MAP6: variants seen among roughly 807,000 people sequenced by gnomAD.
The protein encoded by MAP6 is microtubule-associated protein 6.
A neutral mutation model predicts 42.4 loss-of-function variants in MAP6; 26 were observed. The observed-to-expected ratio is 0.61, with a 90% confidence interval of 0.45 to 0.85. The LOEUF (loss-of-function observed/expected upper bound fraction) is 0.85. Ranked by LOEUF, MAP6 falls within the 40% of genes least tolerant of loss-of-function variation. MAP6 has a pLI of 0.00. For missense variants in MAP6, 966 were observed against 1,099.0 expected, an observed-to-expected ratio of 0.88 and a Z score of 1.71; for synonymous variants, 418 against 443.8, an observed-to-expected ratio of 0.94 and a Z score of 0.73.
chr11:75,593,640 G>A (rs1341727332), intron 3 of MAP6, among the ~76,000 whole-genome samples: 1 of 152,180 alleles, frequency 6.6e-6, no homozygotes, highest in Non-Finnish European at 1.5e-5. Flanking sequence ...CCTGGCATAG[G>A]GCATAATTCA....
chr11:75,611,482 T>C (rs1056332528), intron 1 of MAP6, among the ~76,000 whole-genome samples: 2 of 152,250 alleles, frequency 1.3e-5, no homozygotes, highest in African/African-American at 4.8e-5. Flanking sequence ...TGAACAACTC[T>C]GGTACATCAT....
chr11:75,648,043 T>C (rs1444600795), intron 1 of MAP6, among the ~76,000 whole-genome samples: 1 of 152,058 alleles, frequency 6.6e-6, no homozygotes, highest in Non-Finnish European at 1.5e-5. Context: ...ACTTTTTTAA[T>C]CAAGGAAAAA....
chr11:75,658,398 C>A (rs609397), intron 1 of MAP6, among the ~76,000 whole-genome samples: 126 of 53,240 alleles, frequency 2.4e-3, no homozygotes, highest in Non-Finnish European at 2.7e-3. Flanking sequence ...ATTTCTCCAC[C>A]CCCCCCGCCC....
rs940780106 is a variant in MAP6, at chr11:75,593,566, GT to G, written c.1317-5383del. Among the ~76,000 whole-genome samples, 77 of 152,172 alleles carry G rather than the reference GT, an allele frequency of 5.1e-4. 1 individual carries two copies. The highest frequency in any genetic ancestry group is 4.0e-4 in the Non-Finnish European group (27 of 68,034). On this transcript the variant is annotated intron_variant, in intron 3 of 3. Coordinates refer to ENST00000304771, the MANE Select transcript of MAP6 (RefSeq NM_033063.2). ...TCCAGTCCTATAGTCCATCCACGTG[GT>G]TTTTTTCTTCCCAGATTGTCTCCTG... is the stretch of plus-strand genomic sequence containing the variant.
At chr11:75,659,505 A>G (rs1943807535) in intron 1 of MAP6, among the ~76,000 whole-genome samples, 1 of 152,222 alleles carries the variant, frequency 6.6e-6, no homozygotes, top group South Asian at 2.1e-4. Context: ...AAGTAACAGC[A>G]TGGTTCCTGA....
At chr11:75,642,994 T>C (rs1943498852) in intron 1 of MAP6, 12 of 368,652 alleles carry the variant, frequency 3.3e-5, no homozygotes, top group South Asian at 2.9e-4. Flanking sequence ...ACTTCCTTGC[T>C]AAATCAAATA....
At chr11:75,644,469 T>A (rs922362739) in intron 1 of MAP6, among the ~76,000 whole-genome samples, 4 of 152,226 alleles carry the variant, frequency 2.6e-5, no homozygotes, top group Non-Finnish European at 5.9e-5. Flanking sequence ...AAGCAGTTTA[T>A]ATAGTAATTC....
At chr11:75,625,891 C>T (rs1943185522) in intron 1 of MAP6, among the ~76,000 whole-genome samples, 1 of 152,186 alleles carries the variant, frequency 6.6e-6, no homozygotes. Context: ...ACTCCCCAGC[C>T]AGACCACGGG....
intron 1 of MAP6, among the ~76,000 whole-genome samples, chr11:75,637,898 G>GGAA (rs2135648779): frequency 6.7e-6 from 1 of 149,118 alleles, no homozygotes; most frequent in Non-Finnish European, 1.5e-5. Context: ...GAGGGAGGGA[G>GGAA]GGAGGGAAGG....
intron 1 of MAP6, among the ~76,000 whole-genome samples, chr11:75,611,499 A>G (rs941352325): frequency 6.6e-6 from 1 of 152,256 alleles, no homozygotes; most frequent in African/African-American, 2.4e-5. Context: ...TCATCTTCAC[A>G]TGAGACCTTG....
intron 2 of MAP6, among the ~76,000 whole-genome samples, chr11:75,607,026 G>A (rs1942791080): frequency 6.6e-6 from 1 of 152,216 alleles, no homozygotes; most frequent in Admixed American, 6.5e-5. Flanking sequence ...GATGGACAGA[G>A]CTGATGCTGG....
chr11:75,651,254 C>T (rs1943641332), intron 1 of MAP6, among the ~76,000 whole-genome samples: 1 of 152,198 alleles, frequency 6.6e-6, no homozygotes, highest in South Asian at 2.1e-4. Context: ...GAATCTCATT[C>T]TCACAAATGC....
Position 75,641,743 on chromosome 11 carries a change from G to T in MAP6, c.905+25722C>A, listed in dbSNP as rs538889266. ...CATTTCTGTTAAGCTTCCAGGTGAAGCTAATGCTGTAACCCTGGGAGGTAT... is the reference window on the plus strand; with the variant it reads ...CATTTCTGTTAAGCTTCCAGGTGAATCTAATGCTGTAACCCTGGGAGGTAT... On this transcript the variant is annotated intron_variant, in intron 1 of 3. Transcript: ENST00000304771. 7.2e-5 allele frequency among the ~76,000 whole-genome samples: 11 copies of T among 152,358 alleles called. No individual in the cohort carries two copies. In the South Asian group the frequency reaches 1.9e-3, roughly 26 times the overall value.
chr11:75,639,663 T>G (rs559348554), intron 1 of MAP6, among the ~76,000 whole-genome samples: 1 of 152,312 alleles, frequency 6.6e-6, no homozygotes, highest in African/African-American at 2.4e-5. Flanking sequence ...GAATTGGAAG[T>G]GCATGATTTC....
intron 1 of MAP6, among the ~76,000 whole-genome samples, chr11:75,609,509 C>T (rs765150691): frequency 3.9e-5 from 6 of 152,230 alleles, no homozygotes; most frequent in Non-Finnish European, 7.3e-5. Flanking sequence ...GACGGAGACA[C>T]GCAGGCTCTC....
chr11:75,588,288 G>T, intron 3 of MAP6, 104 bp from the exon 4 acceptor site: 1 of 1,050,660 alleles, frequency 9.5e-7, no homozygotes, highest in Non-Finnish European at 1.4e-6. Context: ...GCCTGGGCCG[G>T]GCAGCTCTTG....
chr11:75,645,380 T>G (rs1312779719), intron 1 of MAP6, among the ~76,000 whole-genome samples: 1 of 152,038 alleles, frequency 6.6e-6, no homozygotes, highest in Non-Finnish European at 1.5e-5. Flanking sequence ...CCTGCCACTA[T>G]CCATCAAAAC....
rs530307020 is a variant in MAP6 at position 75,632,126 on chromosome 11, C to T, written c.906-23804G>A. ...GTGACATTAGAGGCAAGTTACTTTA[C>T]CTCACCGAGCCTTCTTGCTTAATCC... On this transcript the variant is annotated intron_variant, in intron 1 of 3. Transcript: ENST00000304771. Among the ~76,000 whole-genome samples, 48 of 152,274 alleles carry T rather than the reference C, an allele frequency of 3.2e-4. 1 individual carries two copies. Among genetic ancestry groups the T allele is most frequent in the African/African-American group, 1.1e-3 (46 of 41,548 alleles).
chr11:75,620,709 C>T (rs114266772), intron 1 of MAP6, among the ~76,000 whole-genome samples: 2,452 of 152,128 alleles, frequency 0.016, 65 homozygotes, highest in African/African-American at 0.053. Flanking sequence ...ATTTAAACAC[C>T]AGGACAAAGT....
Sources: allele counts gnomAD v4.1 joint callset (sites outside exome capture counted in the v4.1 genomes callset), GRCh38; gene constraint gnomAD v4.1.1; transcripts MANE v1.5; gene names NCBI Gene and HGNC (gene_info 2026-07-23, HGNC 2026-07-21).